Variants in SPMAP2L observed in about 807,000 individuals in gnomAD.
SPMAP2L encodes the protein sperm microtubule associated protein 2 like, also known as sperm microtubule associated protein 2-like.
At chr4:56,601,553 G>A in the SPMAP2L span, among the ~76,000 whole-genome samples, 4,353 of 152,242 alleles carry the variant, frequency 0.029, 94 homozygotes, top group East Asian at 0.088. Context: ...GAGCCCAGGA[G>A]TTTGACATCA....
the SPMAP2L span, chr4:56,593,293 C>T: frequency 2.1e-5 from 25 of 1,182,650 alleles, no homozygotes; most frequent in Non-Finnish European, 2.8e-5. Flanking sequence ...GTGCTACAGA[C>T]ACAAGAGGAG....
At chr4:56,603,453 A>G in the SPMAP2L span, 5 of 573,494 alleles carry the variant, frequency 8.7e-6, no homozygotes, top group Non-Finnish European at 1.5e-5. Context: ...TGAGACCTTT[A>G]GGGAAAACCA....
chr4:56,603,300 T>A, the SPMAP2L span: 4 of 1,533,732 alleles, frequency 2.6e-6, no homozygotes, highest in Non-Finnish European at 3.5e-6. Flanking sequence ...GATCTGGGAG[T>A]TGTCACAACC....
the SPMAP2L span, chr4:56,603,502 C>T: frequency 1.3e-5 from 6 of 469,152 alleles, no homozygotes; most frequent in African/African-American, 5.8e-5. Flanking sequence ...GTTAACCTGT[C>T]GCTGAATCTT....
At chr4:56,549,691 G>A in the SPMAP2L span, among the ~76,000 whole-genome samples, 1 of 152,090 alleles carries the variant, frequency 6.6e-6, no homozygotes, top group Non-Finnish European at 1.5e-5. Context: ...TTGAGCATGG[G>A]CATAACACCA....
the SPMAP2L span, among the ~76,000 whole-genome samples, chr4:56,589,500 C>T: frequency 6.6e-6 from 1 of 152,054 alleles, no homozygotes; most frequent in Non-Finnish European, 1.5e-5. Flanking sequence ...GGGGATTGCA[C>T]TGAATTTGTA....
the SPMAP2L span, among the ~76,000 whole-genome samples, chr4:56,563,470 CT>C: frequency 1.3e-5 from 2 of 151,834 alleles, no homozygotes; most frequent in African/African-American, 4.8e-5. Context: ...ATGATTTAAG[CT>C]TTCTGCTAAG....
the SPMAP2L span, among the ~76,000 whole-genome samples, chr4:56,561,922 T>A: frequency 3.3e-5 from 5 of 151,892 alleles, no homozygotes; most frequent in Admixed American, 6.6e-5. Context: ...CGGGGTTTCA[T>A]CATGTTGGCC....
At chr4:56,546,087 C>G in the SPMAP2L span, among the ~76,000 whole-genome samples, 2 of 152,154 alleles carry the variant, frequency 1.3e-5, no homozygotes, top group African/African-American at 2.4e-5. Context: ...AGCCACCGTG[C>G]CCAGCCACAT....
At chr4:56,572,887 A>G in the SPMAP2L span, among the ~76,000 whole-genome samples, 1 of 152,040 alleles carries the variant, frequency 6.6e-6, no homozygotes, top group Non-Finnish European at 1.5e-5. Flanking sequence ...GTGGTGGTGC[A>G]CACCTATAAT....
At chr4:56,590,724 ATTTG>A in the SPMAP2L span, among the ~76,000 whole-genome samples, 1 of 152,220 alleles carries the variant, frequency 6.6e-6, no homozygotes, top group Non-Finnish European at 1.5e-5. Context: ...ACTAAGAAAT[ATTTG>A]TTTAATAAAT....
chr4:56,531,665 A>G, the SPMAP2L span, among the ~76,000 whole-genome samples: 1 of 152,196 alleles, frequency 6.6e-6, no homozygotes, highest in African/African-American at 2.4e-5. Flanking sequence ...AAGTATTCAA[A>G]GAGTATGCAT....
the SPMAP2L span, among the ~76,000 whole-genome samples, chr4:56,613,320 G>A: frequency 6.6e-6 from 1 of 152,260 alleles, no homozygotes; most frequent in African/African-American, 2.4e-5. Context: ...CCAAGGTGTG[G>A]TCTGCTAGGA....
chr4:56,544,012 G>T, the SPMAP2L span, among the ~76,000 whole-genome samples: 37 of 142,596 alleles, frequency 2.6e-4, 2 homozygotes, highest in African/African-American at 9.7e-4. Context: ...GAGAGATGGA[G>T]TCTCGCTCTC....
At chr4:56,546,083 C>T in the SPMAP2L span, among the ~76,000 whole-genome samples, 3 of 152,250 alleles carry the variant, frequency 2.0e-5, no homozygotes, top group East Asian at 1.9e-4. Flanking sequence ...CATAAGCCAC[C>T]GTGCCCAGCC....
chr4:56,564,033 A>T, the SPMAP2L span, among the ~76,000 whole-genome samples: 2 of 152,056 alleles, frequency 1.3e-5, no homozygotes, highest in South Asian at 4.1e-4. Flanking sequence ...AATTTATTTT[A>T]TAGATATAGG....
chr4:56,618,184 C>T, the SPMAP2L span, among the ~76,000 whole-genome samples: 2 of 152,186 alleles, frequency 1.3e-5, no homozygotes, highest in Non-Finnish European at 2.9e-5. Flanking sequence ...TTTCCCTTTT[C>T]CACTTTCATA....
chr4:56,600,275 T>C, the SPMAP2L span, among the ~76,000 whole-genome samples: 3 of 151,694 alleles, frequency 2.0e-5, no homozygotes, highest in South Asian at 2.1e-4. Flanking sequence ...TTTAGCAAAA[T>C]GGGAAACAAT....
chr4:56,624,399 C>G, the SPMAP2L span, among the ~76,000 whole-genome samples: 1 of 152,200 alleles, frequency 6.6e-6, no homozygotes, highest in Non-Finnish European at 1.5e-5. Flanking sequence ...AAATTCAAGC[C>G]AGCTGCAGAA....
Sources: allele counts gnomAD v4.1 joint callset (sites outside exome capture counted in the v4.1 genomes callset), GRCh38; gene constraint gnomAD v4.1.1; transcripts MANE v1.5; gene names NCBI Gene and HGNC (gene_info 2026-07-23, HGNC 2026-07-21).